UBE2D2: variants seen among roughly 807,000 people sequenced by gnomAD.
The protein encoded by UBE2D2 is ubiquitin conjugating enzyme E2 D2.
UBE2D2 carries 2 observed loss-of-function variants against 24.2 expected under a neutral mutation model. The observed-to-expected ratio is 0.08, with a 90% CI of 0.03 to 0.26. The LOEUF (loss-of-function observed/expected upper bound fraction) is 0.26, where lower values mean the gene tolerates loss of function less well. Among genes scored for constraint, UBE2D2 ranks in the 10% least tolerant of loss-of-function variants. UBE2D2 has a pLI of 1.00. For missense variants in UBE2D2, 44 were observed against 177.6 expected (o/e 0.25, Z 4.28); for synonymous variants, 58 against 56.5 (o/e 1.03, Z -0.12).
At chr5:139,625,423 CA>C (rs1297444929) in intron 6 of UBE2D2, among the ~76,000 whole-genome samples, 229 of 41,788 alleles carry the variant, frequency 5.5e-3, no homozygotes, top group South Asian at 0.013. Context: ...CCAGCATACC[CA>C]CCCCCACCCC....
chr5:139,625,424 A>T (rs949237213), intron 6 of UBE2D2, among the ~76,000 whole-genome samples: 3 of 19,540 alleles, frequency 1.5e-4, no homozygotes, highest in African/African-American at 2.1e-4. Context: ...CAGCATACCC[A>T]CCCCCACCCC....
intron 1 of UBE2D2, among the ~76,000 whole-genome samples, chr5:139,580,885 C>T (rs1753587505): frequency 6.6e-6 from 1 of 152,140 alleles, no homozygotes; most frequent in Admixed American, 6.6e-5. Context: ...CCACTGTTCT[C>T]CAGCCTGAGC....
chr5:139,538,484 G>C (rs1377172699), intron 1 of UBE2D2, among the ~76,000 whole-genome samples: 1 of 152,094 alleles, frequency 6.6e-6, no homozygotes, highest in Non-Finnish European at 1.5e-5. Flanking sequence ...GAACCTAGAA[G>C]ACATCATGCT....
intron 1 of UBE2D2, among the ~76,000 whole-genome samples, chr5:139,550,654 A>T (rs552607414): frequency 1.3e-5 from 2 of 151,708 alleles, no homozygotes; most frequent in East Asian, 3.9e-4. Flanking sequence ...GAGCTGTAAC[A>T]CTCTTCGTGA....
intron 1 of UBE2D2, among the ~76,000 whole-genome samples, chr5:139,562,944 T>C (rs1753142602): frequency 6.6e-6 from 1 of 152,196 alleles, no homozygotes; most frequent in Admixed American, 6.6e-5. Context: ...CTTCAATACA[T>C]CTTTTTCCTT....
chr5:139,562,045 T>C, intron 1 of UBE2D2: 1 of 822,406 alleles, frequency 1.2e-6, no homozygotes, highest in Non-Finnish European at 1.8e-6. Flanking sequence ...CCTCCCCGGC[T>C]GCCCTTCCAG....
At chr5:139,568,294 A>G (rs1460236547) in intron 1 of UBE2D2, among the ~76,000 whole-genome samples, 1 of 151,682 alleles carries the variant, frequency 6.6e-6, no homozygotes, top group Admixed American at 6.6e-5. Flanking sequence ...CAGTGAGCCA[A>G]GATCTCGCCA....
intron 1 of UBE2D2, among the ~76,000 whole-genome samples, chr5:139,570,425 C>T (rs1448506210): frequency 2.0e-5 from 3 of 152,202 alleles, no homozygotes; most frequent in Admixed American, 2.0e-4. Context: ...ACCGCAACCT[C>T]TGCCTCCCAG....
chr5:139,571,737 C>G (rs894852448), intron 1 of UBE2D2, among the ~76,000 whole-genome samples: 2 of 151,780 alleles, frequency 1.3e-5, no homozygotes, highest in African/African-American at 4.8e-5. Context: ...TTTTCTCTCT[C>G]TCTCTTTCCC....
At chr5:139,557,757 T>C (rs751577371), upstream of UBE2D2, among the ~76,000 whole-genome samples, 2 of 151,824 alleles carry the variant, frequency 1.3e-5, no homozygotes, top group Non-Finnish European at 2.9e-5. Flanking sequence ...AATAAATAAA[T>C]AAACAAACAA....
rs555093556 is a variant in UBE2D2, at chr5:139,554,705, G to A, written c.-64+28093G>A. The stretch of plus-strand genomic sequence containing the variant: ...GCATACCAAAGAGTAGAACGGCTGC[G>A]TCATATGGTAGATGCATGTTTAACT... On this transcript the variant is annotated intron_variant, in intron 1 of 6. Coordinates refer to the UBE2D2 transcript ENST00000511725. Among the ~76,000 whole-genome samples the A allele has an allele frequency of 3.9e-5, 6 of 152,276 alleles. No individual in the cohort carries two copies. The East Asian group carries it at 5.8e-4, about 15-fold the overall frequency.
At chr5:139,619,246 A>G (rs1254448000) in intron 5 of UBE2D2, among the ~76,000 whole-genome samples, 1 of 152,038 alleles carries the variant, frequency 6.6e-6, no homozygotes, top group African/African-American at 2.4e-5. Flanking sequence ...TAATACAAAA[A>G]TTAGCAGGGC....
intron 1 of UBE2D2, among the ~76,000 whole-genome samples, chr5:139,576,609 T>C (rs910137264): frequency 2.6e-5 from 4 of 152,028 alleles, no homozygotes; most frequent in African/African-American, 9.7e-5. Flanking sequence ...CCTCGTGATC[T>C]GCCCGCCTCA....
chr5:139,601,712 A>G (rs1354460261), intron 2 of UBE2D2, among the ~76,000 whole-genome samples: 1 of 151,996 alleles, frequency 6.6e-6, no homozygotes, highest in Non-Finnish European at 1.5e-5. Context: ...GTTTGAGACC[A>G]TCCTGGCCAA....
intron 1 of UBE2D2, among the ~76,000 whole-genome samples, chr5:139,582,625 A>G (rs1324929947): frequency 6.6e-6 from 1 of 150,904 alleles, no homozygotes; most frequent in Non-Finnish European, 1.5e-5. Flanking sequence ...TTATGTCAGC[A>G]CTCAGAAAAA....
chr5:139,530,004 A>G (rs1752582489), intron 1 of UBE2D2, among the ~76,000 whole-genome samples: 1 of 152,090 alleles, frequency 6.6e-6, no homozygotes, highest in Admixed American at 6.5e-5. Context: ...CACCCTGACA[A>G]TTTTTGGGTT....
chr5:139,533,398 C>A (rs959102615), intron 1 of UBE2D2, among the ~76,000 whole-genome samples: 5 of 151,962 alleles, frequency 3.3e-5, no homozygotes, highest in East Asian at 3.9e-4. Flanking sequence ...CGCCTGTAAT[C>A]CCCAACACTT....
intron 1 of UBE2D2, among the ~76,000 whole-genome samples, chr5:139,542,257 G>A (rs1479405522): frequency 6.6e-6 from 1 of 152,190 alleles, no homozygotes; most frequent in Non-Finnish European, 1.5e-5. Context: ...GGAAGGTAGA[G>A]TGGTAGAGAA....
At chr5:139,539,274 C>T (rs551262896) in intron 1 of UBE2D2, among the ~76,000 whole-genome samples, 49 of 152,242 alleles carry the variant, frequency 3.2e-4, no homozygotes, top group African/African-American at 1.1e-3. Flanking sequence ...CCACTTGCCT[C>T]GGCCTCCCAA....
Sources: gnomAD v4.1 joint callset for allele counts (sites outside exome capture counted in the v4.1 genomes callset) on GRCh38, gnomAD v4.1.1 for gene constraint, MANE v1.5 for transcripts, NCBI Gene and HGNC (gene_info 2026-07-23, HGNC 2026-07-21) for gene names.